Variants in ASAP1 observed in about 807,000 individuals in gnomAD.
ASAP1 encodes the protein ArfGAP with SH3 domain, ankyrin repeat and PH domain 1, also known as arf-GAP with SH3 domain, ANK repeat and PH domain-containing protein 1.
In ASAP1, 43 loss-of-function variants were observed where a neutral mutation model predicts 145.2. The observed-to-expected ratio is 0.30, with a 90% CI of 0.23 to 0.38. The LOEUF (loss-of-function observed/expected upper bound fraction) is 0.38. ASAP1 is among the 10% of genes least tolerant of loss of function. The pLI, the probability that ASAP1 is intolerant of heterozygous loss-of-function variation, is 1.00. For synonymous variants in ASAP1, 546 were observed against 515.5 expected (o/e 1.06, Z -0.80); for missense variants, 1,018 against 1,355.3 (o/e 0.75, Z 3.91).
chr8:130,185,771 GAAA>G (rs1316088207), intron 7 of ASAP1, among the ~76,000 whole-genome samples: 1 of 135,478 alleles, frequency 7.4e-6, no homozygotes, highest in African/African-American at 2.7e-5. Flanking sequence ...GAAAAAAAAA[GAAA>G]AGCCAGACAA....
At chr8:130,133,597 A>G (rs1462109562) in intron 15 of ASAP1, among the ~76,000 whole-genome samples, 1 of 151,750 alleles carries the variant, frequency 6.6e-6, no homozygotes, top group African/African-American at 2.4e-5. Flanking sequence ...CGGAGCTTGC[A>G]GTGAGCCGAG....
rs1554816346 is a variant in ASAP1 at position 130,072,820 on chromosome 8, T to TGTGTGTGTGTGC, written c.2701+3527_2701+3528insGCACACACACAC. On this transcript the variant is annotated intron_variant, in intron 27 of 29. Transcript: ENST00000518721. ...GTGTGTGTGTGTGTGTGTGTGTGTGTGTGTGCGCGCGGGGGGGGGCAGTTT... is the reference window on the plus strand; with the variant it reads ...GTGTGTGTGTGTGTGTGTGTGTGTGTGTGTGTGTGTGCGTGTGCGCGCGGGGGGGGGCAGTTT... Among the ~76,000 whole-genome samples, 23 of 22,082 alleles carry TGTGTGTGTGTGC rather than the reference T, an allele frequency of 1.0e-3. 2 individuals carry two copies. Among genetic ancestry groups the TGTGTGTGTGTGC allele is most frequent in the African/African-American group, 2.3e-3 (17 of 7,246 alleles). 14.5% of individuals were successfully genotyped at this position (22,082 alleles called of 152,430 possible).
chr8:130,337,025 A>G (rs1825079560), intron 3 of ASAP1, among the ~76,000 whole-genome samples: 1 of 152,224 alleles, frequency 6.6e-6, no homozygotes, highest in Admixed American at 6.5e-5. Flanking sequence ...GGAACCCCAG[A>G]CCATACTTTA....
chr8:130,085,293 G>A (rs143277061), intron 25 of ASAP1, among the ~76,000 whole-genome samples: 8 of 152,312 alleles, frequency 5.3e-5, no homozygotes, highest in African/African-American at 1.9e-4. Context: ...TCCAGACACT[G>A]TATGTGACTT....
intron 2 of ASAP1, among the ~76,000 whole-genome samples, chr8:130,369,683 C>T (rs1370824719): frequency 6.6e-6 from 1 of 152,134 alleles, no homozygotes. Context: ...CCACTTTGCA[C>T]CCACTAGGAT....
intron 24 of ASAP1, among the ~76,000 whole-genome samples, chr8:130,095,952 C>T (rs1160433236): frequency 1.3e-5 from 2 of 152,114 alleles, no homozygotes; most frequent in African/African-American, 4.8e-5. Context: ...CAATATGTTT[C>T]ACTTAGGTTG....
intron 2 of ASAP1, among the ~76,000 whole-genome samples, chr8:130,362,162 A>G (rs1243803944): frequency 2.0e-5 from 3 of 152,134 alleles, no homozygotes; most frequent in Admixed American, 1.3e-4. Flanking sequence ...CCAGTTGCAG[A>G]CCTCACTCTC....
At chr8:130,231,890 G>A (rs982951211) in intron 4 of ASAP1, among the ~76,000 whole-genome samples, 4 of 152,192 alleles carry the variant, frequency 2.6e-5, no homozygotes, top group Non-Finnish European at 5.9e-5. Flanking sequence ...GCTTCCAAGG[G>A]AAAGCCAGCC....
At chr8:130,339,296 C>T (rs1234519129) in intron 3 of ASAP1, among the ~76,000 whole-genome samples, 2 of 152,104 alleles carry the variant, frequency 1.3e-5, no homozygotes, top group Non-Finnish European at 1.5e-5. Context: ...GAAAAATTCT[C>T]GGTAAGAACA....
At chr8:130,408,897 A>G (rs995155607) in intron 1 of ASAP1, among the ~76,000 whole-genome samples, 2 of 152,214 alleles carry the variant, frequency 1.3e-5, no homozygotes, top group Non-Finnish European at 2.9e-5. Flanking sequence ...GTGCTAAGCA[A>G]GGCACTATGG....
chr8:130,441,254 T>A (rs948607913), intron 1 of ASAP1, among the ~76,000 whole-genome samples: 1 of 152,128 alleles, frequency 6.6e-6, no homozygotes, highest in Non-Finnish European at 1.5e-5. Context: ...TCCAGATAAA[T>A]CTGAGATGTG....
Position 130,056,897 on chromosome 8 carries a change from C to T in ASAP1, c.3315+1057G>A, listed in dbSNP as rs2097405434. ...TTCACTGTACCTTGGCCTGGCAGTT[C>T]CCATCGGGAGACTTACTCCCTGGCA... On this transcript the variant is annotated intron_variant, in intron 29 of 29. Transcript: ENST00000518721. 2.0e-5 allele frequency among the ~76,000 whole-genome samples: 3 copies of T among 152,118 alleles called. No homozygotes were observed. The South Asian group carries it at 6.2e-4, about 32-fold the overall frequency.
chr8:130,396,449 C>T (rs1403954650), intron 2 of ASAP1, among the ~76,000 whole-genome samples: 1 of 152,244 alleles, frequency 6.6e-6, no homozygotes, highest in Non-Finnish European at 1.5e-5. Flanking sequence ...CATAACCTTC[C>T]TTCCTTTATG....
chr8:130,133,683 AC>A, intron 15 of ASAP1, among the ~76,000 whole-genome samples: 5 of 147,358 alleles, frequency 3.4e-5, no homozygotes, highest in African/African-American at 5.0e-5. Flanking sequence ...AAACAAACAA[AC>A]AAACAAAAAA....
chr8:130,189,751 GT>G (rs1815007804), intron 5 of ASAP1, among the ~76,000 whole-genome samples: 1 of 152,136 alleles, frequency 6.6e-6, no homozygotes, highest in African/African-American at 2.4e-5. Context: ...CATAGTGGTT[GT>G]ACTAATTTAT....
chr8:130,243,534 C>G (rs1325144946), intron 3 of ASAP1, among the ~76,000 whole-genome samples: 1 of 152,126 alleles, frequency 6.6e-6, no homozygotes, highest in Non-Finnish European at 1.5e-5. Context: ...CTGCAAGGCC[C>G]TACGTGACCC....
At chr8:130,255,534 C>T (rs1261262412) in intron 3 of ASAP1, among the ~76,000 whole-genome samples, 1 of 152,156 alleles carries the variant, frequency 6.6e-6, no homozygotes, top group African/African-American at 2.4e-5. Flanking sequence ...CATCTGTCTC[C>T]TATTCACTCC....
At chr8:130,427,340 G>A (rs193180599) in intron 1 of ASAP1, among the ~76,000 whole-genome samples, 88 of 152,306 alleles carry the variant, frequency 5.8e-4, no homozygotes, top group African/African-American at 2.1e-3. Flanking sequence ...TATTGACAGT[G>A]TGTTTACTCC....
rs564786633 is a variant in ASAP1, at chr8:130,418,077, C to T, written c.-27-16107G>A. Among the ~76,000 whole-genome samples, 5 of 152,242 alleles carry T rather than the reference C, an allele frequency of 3.3e-5. No homozygotes were observed. In the East Asian group the frequency reaches 9.6e-4, roughly 29 times the overall value. On this transcript the variant is annotated intron_variant, in intron 1 of 29. Transcript: ENST00000518721. ...AGAACTTGCCCCAAGGCCACAAGGA[C>T]AGAAGAGAGAGGAGAGGAAAGGAGA...
Sources: gnomAD v4.1 joint callset for allele counts (sites outside exome capture counted in the v4.1 genomes callset) on GRCh38, gnomAD v4.1.1 for gene constraint, MANE v1.5 for transcripts, NCBI Gene and HGNC (gene_info 2026-07-23, HGNC 2026-07-21) for gene names.